Variants in THOC2 observed in about 807,000 individuals in gnomAD.
THOC2 encodes THO complex subunit 2.
In THOC2, 10 loss-of-function variants were observed where a neutral mutation model predicts 128.4. The observed-to-expected ratio is 0.08, with a 90% CI of 0.05 to 0.13. THOC2 has a LOEUF of 0.13. Among genes scored for constraint, THOC2 ranks in the 10% least tolerant of loss-of-function variants. The pLI is 1.00. For synonymous variants in THOC2, 393 were observed against 396.9 expected, an observed-to-expected ratio of 0.99 and a Z score of 0.12; for missense variants, 535 against 1,155.7, an observed-to-expected ratio of 0.46 and a Z score of 7.79.
At chrX:123,731,360 T>C (rs910661934) in intron 1 of THOC2, among the ~76,000 whole-genome samples, 2 of 111,761 alleles carry the variant, frequency 1.8e-5, no homozygotes, top group Non-Finnish European at 3.8e-5. Context: ...ACATAGTCCC[T>C]ATATTTCAAA....
At chrX:123,715,019 C>CT (rs368332983) in intron 1 of THOC2, among the ~76,000 whole-genome samples, 23,711 of 83,433 alleles carry the variant, frequency 0.28, 3,220 homozygotes, top group Middle Eastern at 0.39. Flanking sequence ...GCAATAAAGG[C>CT]TTTTTTTTTT....
chrX:123,611,051 C>A, intron 37 of THOC2, 88 bp from the exon 38 acceptor site: 1 of 871,895 alleles, frequency 1.1e-6, no homozygotes, highest in Non-Finnish European at 1.7e-6. Flanking sequence ...AGGTTGCAGG[C>A]CTAAATGGGC....
intron 1 of THOC2, among the ~76,000 whole-genome samples, chrX:123,726,604 T>C (rs767728177): frequency 8.9e-6 from 1 of 111,983 alleles, no homozygotes; most frequent in Admixed American, 9.5e-5. Flanking sequence ...TCTTAATGCA[T>C]GTCTTTTGCA....
intron 36 of THOC2, among the ~76,000 whole-genome samples, chrX:123,612,411 A>C (rs1051893078): frequency 2.7e-5 from 3 of 112,339 alleles, no homozygotes; most frequent in Non-Finnish European, 5.6e-5. Flanking sequence ...CATTATGCTA[A>C]GTGAAAGACA....
intron 15 of THOC2, among the ~76,000 whole-genome samples, chrX:123,643,762 T>C (rs908955841): frequency 3.6e-5 from 4 of 109,679 alleles, no homozygotes; most frequent in Non-Finnish European, 7.6e-5. Flanking sequence ...AACTAGATTG[T>C]GATCATGCAC....
intron 1 of THOC2, among the ~76,000 whole-genome samples, chrX:123,724,093 T>G (rs1277876001): frequency 8.9e-6 from 1 of 112,086 alleles, no homozygotes; most frequent in African/African-American, 3.2e-5. Context: ...TTTCTTACTC[T>G]TTTATATCTA....
intron 1 of THOC2, among the ~76,000 whole-genome samples, chrX:123,731,911 C>G: frequency 9.0e-6 from 1 of 111,490 alleles, no homozygotes; most frequent in Non-Finnish European, 1.9e-5. Flanking sequence ...TGGGCAAGGA[C>G]GACAAAAATG....
chrX:123,608,329 AG>A (rs2046562485), intron 38 of THOC2, among the ~76,000 whole-genome samples: 1 of 108,265 alleles, frequency 9.2e-6, no homozygotes, highest in South Asian at 4.1e-4. Context: ...TGAACCCGAG[AG>A]GTAGAGATTG....
At chrX:123,676,601 C>G (rs2049507172) in intron 8 of THOC2, among the ~76,000 whole-genome samples, 1 of 112,360 alleles carries the variant, frequency 8.9e-6, no homozygotes, top group Non-Finnish European at 1.9e-5. Flanking sequence ...CGAGACAGAG[C>G]TCTGGAGTTC....
chrX:123,694,175 AT>A (rs1399336585), intron 7 of THOC2, among the ~76,000 whole-genome samples: 26 of 111,449 alleles, frequency 2.3e-4, no homozygotes, highest in African/African-American at 5.9e-4. Context: ...AAAAAAAAAA[AT>A]AGCACAGAAT....
intron 1 of THOC2, among the ~76,000 whole-genome samples, chrX:123,726,838 A>G (rs989488680): frequency 1.8e-5 from 2 of 112,377 alleles, no homozygotes; most frequent in African/African-American, 6.5e-5. Flanking sequence ...ATATGGAACC[A>G]TTGAAAGGTT....
intron 1 of THOC2, among the ~76,000 whole-genome samples, chrX:123,720,233 G>A (rs751539085): frequency 9.1e-6 from 1 of 110,122 alleles, no homozygotes; most frequent in Non-Finnish European, 1.9e-5. Context: ...ATTGCTTGAG[G>A]CTAGGAGTTC....
chrX:123,641,733 T>TTG (rs2047921351), intron 15 of THOC2, among the ~76,000 whole-genome samples: 1 of 111,563 alleles, frequency 9.0e-6, no homozygotes. Context: ...AAAGAAATAT[T>TTG]TTCTTGTCTT....
intron 7 of THOC2, among the ~76,000 whole-genome samples, chrX:123,692,823 A>G (rs2050281745): frequency 9.0e-6 from 1 of 111,683 alleles, no homozygotes; most frequent in Non-Finnish European, 1.9e-5. Context: ...TTTTAACTAA[A>G]GGATGATAAG....
chrX:123,680,737 C>G (rs567435353), intron 8 of THOC2, among the ~76,000 whole-genome samples: 5 of 111,565 alleles, frequency 4.5e-5, no homozygotes, highest in African/African-American at 1.6e-4. Flanking sequence ...CAAACCCAAT[C>G]TACCTGAAAT....
chrX:123,629,686 G>A (rs1029542002), intron 22 of THOC2, among the ~76,000 whole-genome samples: 4 of 111,488 alleles, frequency 3.6e-5, no homozygotes, highest in Non-Finnish European at 5.7e-5. Context: ...CATTAGTTAC[G>A]AAAAAGGAGT....
intron 38 of THOC2, among the ~76,000 whole-genome samples, chrX:123,607,006 T>G (rs1041190981): frequency 1.8e-5 from 2 of 110,104 alleles, no homozygotes; most frequent in African/African-American, 6.6e-5. Flanking sequence ...AAGTTAAAAT[T>G]GAGAAGCCAA....
At chrX:123,724,556 G>A (rs142032824) in intron 1 of THOC2, among the ~76,000 whole-genome samples, 2 of 110,021 alleles carry the variant, frequency 1.8e-5, no homozygotes, top group African/African-American at 6.6e-5. Context: ...GCAGTGGTGC[G>A]CACCTGTAAT....
intron 24 of THOC2, 37 bp from the exon 25 acceptor site, chrX:123,626,106 T>C: frequency 9.3e-7 from 1 of 1,071,836 alleles, no homozygotes; most frequent in East Asian, 3.1e-5. Context: ...GTGGTAAACT[T>C]CTTCCCCAAG....
Sources: allele counts gnomAD v4.1 joint callset (sites outside exome capture counted in the v4.1 genomes callset), GRCh38; gene constraint gnomAD v4.1.1; transcripts MANE v1.5; gene names NCBI Gene and HGNC (gene_info 2026-07-23, HGNC 2026-07-21).